Variants in POU6F2 observed in about 807,000 individuals in gnomAD.
POU6F2 encodes POU class 6 homeobox 2.
A neutral mutation model predicts 71.3 loss-of-function variants in POU6F2; 31 were observed. The observed-to-expected ratio is 0.43, with a 90% confidence interval of 0.33 to 0.59. The LOEUF (loss-of-function observed/expected upper bound fraction) is 0.59. Ranked by LOEUF, POU6F2 falls within the 20% of genes least tolerant of loss-of-function variation. The probability of loss-of-function intolerance (pLI) is 0.04; values close to 1 mark genes in which losing one functional copy is unlikely to be tolerated. For missense variants in POU6F2, 783 were observed against 856.8 expected, an observed-to-expected ratio of 0.91 and a Z score of 1.07; for synonymous variants, 347 against 355.7, an observed-to-expected ratio of 0.98 and a Z score of 0.27.
At chr7:39,011,182 G>C (rs1257624568) in intron 1 of POU6F2, among the ~76,000 whole-genome samples, 1 of 139,572 alleles carries the variant, frequency 7.2e-6, no homozygotes, top group African/African-American at 2.7e-5. Context: ...GGTCACTCAG[G>C]ACTTGCTTTA....
chr7:39,194,832 C>G (rs1462936884), intron 2 of POU6F2, among the ~76,000 whole-genome samples: 1 of 152,180 alleles, frequency 6.6e-6, no homozygotes, highest in Non-Finnish European at 1.5e-5. Flanking sequence ...ACGAACCCCC[C>G]CGGGGAGGAA....
intron 1 of POU6F2, among the ~76,000 whole-genome samples, chr7:39,083,408 G>C (rs1177171517): frequency 1.3e-5 from 2 of 152,068 alleles, no homozygotes; most frequent in Admixed American, 6.6e-5. Context: ...AAAAAGAGTG[G>C]ACTAGAATGT....
intron 4 of POU6F2, among the ~76,000 whole-genome samples, chr7:39,261,082 C>T (rs77067690): frequency 0.38 from 57,885 of 151,370 alleles, 11,351 homozygotes; most frequent in South Asian, 0.52. Context: ...CACACACACA[C>T]ACACACACAC....
chr7:39,195,297 T>C (rs1294842049), intron 2 of POU6F2, among the ~76,000 whole-genome samples: 1 of 152,198 alleles, frequency 6.6e-6, no homozygotes, highest in East Asian at 1.9e-4. Context: ...GTGTTGAAGG[T>C]CTCTGAGGTC....
chr7:39,340,923 T>TG (rs1785905113), intron 5 of POU6F2, among the ~76,000 whole-genome samples: 1 of 152,224 alleles, frequency 6.6e-6, no homozygotes, highest in Non-Finnish European at 1.5e-5. Context: ...AATGACATTT[T>TG]TCCCTGTGAG....
At chr7:39,156,490 A>G (rs1792872482) in intron 2 of POU6F2, among the ~76,000 whole-genome samples, 1 of 152,224 alleles carries the variant, frequency 6.6e-6, no homozygotes, top group African/African-American at 2.4e-5. Context: ...ACTATACAGC[A>G]TGAAATGAAT....
At chr7:39,281,407 T>G (rs1199147358) in intron 4 of POU6F2, among the ~76,000 whole-genome samples, 1 of 152,180 alleles carries the variant, frequency 6.6e-6, no homozygotes, top group Non-Finnish European at 1.5e-5. Flanking sequence ...ACTCCTCCTA[T>G]CTAACTGTAA....
chr7:39,075,555 A>C (rs1790983113), intron 1 of POU6F2, among the ~76,000 whole-genome samples: 1 of 152,222 alleles, frequency 6.6e-6, no homozygotes. Context: ...CATTTAAATA[A>C]ATCTCTTCTT....
intron 4 of POU6F2, among the ~76,000 whole-genome samples, chr7:39,272,387 G>A (rs775774753): frequency 6.6e-6 from 1 of 152,096 alleles, no homozygotes; most frequent in Admixed American, 6.5e-5. Context: ...GGGCCTTTCT[G>A]TCCTTCTTCC....
chr7:39,318,804 C>A (rs1679482572), intron 4 of POU6F2, among the ~76,000 whole-genome samples: 1 of 152,162 alleles, frequency 6.6e-6, no homozygotes, highest in Non-Finnish European at 1.5e-5. Context: ...ATAAACACTA[C>A]TTTGCTTTAA....
intron 7 of POU6F2, among the ~76,000 whole-genome samples, chr7:39,446,699 G>C (rs1244103192): frequency 6.6e-6 from 1 of 152,204 alleles, no homozygotes; most frequent in Non-Finnish European, 1.5e-5. Context: ...GACGTAGAAA[G>C]CTTCTCAGAC....
chr7:39,314,607 C>T (rs1340391534), intron 4 of POU6F2, among the ~76,000 whole-genome samples: 2 of 152,194 alleles, frequency 1.3e-5, no homozygotes, highest in African/African-American at 2.4e-5. Context: ...ATTGCTGTTT[C>T]TGAGTCCAGT....
intron 2 of POU6F2, among the ~76,000 whole-genome samples, chr7:39,126,114 G>A (rs1307302574): frequency 1.3e-5 from 2 of 152,176 alleles, no homozygotes; most frequent in Non-Finnish European, 2.9e-5. Context: ...CTCATTATCA[G>A]CTCTTACACG....
At chr7:39,201,723 C>T (rs1451326538) in intron 2 of POU6F2, among the ~76,000 whole-genome samples, 1 of 152,170 alleles carries the variant, frequency 6.6e-6, no homozygotes, top group Non-Finnish European at 1.5e-5. Flanking sequence ...CATATCTGTG[C>T]CCATGAAAAT....
At chr7:39,240,443 G>A (rs527929951) in intron 4 of POU6F2, among the ~76,000 whole-genome samples, 3 of 152,180 alleles carry the variant, frequency 2.0e-5, no homozygotes, top group Non-Finnish European at 4.4e-5. Context: ...TAAATCGAAA[G>A]GGCCTTATAA....
chr7:39,315,609 C>G (rs1785249703), intron 4 of POU6F2, among the ~76,000 whole-genome samples: 1 of 152,216 alleles, frequency 6.6e-6, no homozygotes. Context: ...GCTACTAGAG[C>G]AGGGCAGCTC....
intron 1 of POU6F2, among the ~76,000 whole-genome samples, chr7:38,996,034 G>GTTTTTTTTT (rs1788725340): frequency 1.3e-5 from 1 of 79,884 alleles, no homozygotes; most frequent in African/African-American, 4.6e-5. Context: ...AAGGGGCTTG[G>GTTTTTTTTT]CTTTTTTTTT....
At chr7:38,987,482 A>G (rs1001641656) in intron 1 of POU6F2, among the ~76,000 whole-genome samples, 1 of 152,154 alleles carries the variant, frequency 6.6e-6, no homozygotes, top group Non-Finnish European at 1.5e-5. Flanking sequence ...AGATTAGTGA[A>G]AAAGAGACCA....
At chr7:39,359,727 T>G (rs962788925) in intron 5 of POU6F2, among the ~76,000 whole-genome samples, 2 of 152,198 alleles carry the variant, frequency 1.3e-5, no homozygotes, top group Admixed American at 1.3e-4. Flanking sequence ...TTTCTCATAA[T>G]ACAATAACCA....
Sources: allele counts gnomAD v4.1 joint callset (sites outside exome capture counted in the v4.1 genomes callset), GRCh38; gene constraint gnomAD v4.1.1; transcripts MANE v1.5; gene names NCBI Gene and HGNC (gene_info 2026-07-23, HGNC 2026-07-21).